Variants in SPIRE2 observed in about 807,000 individuals in gnomAD.
The protein encoded by SPIRE2 is spire type actin nucleation factor 2.
SPIRE2 carries 76 observed loss-of-function variants against 80.7 expected under a neutral mutation model. The observed-to-expected ratio is 0.94, with a 90% CI of 0.78 to 1.14. The LOEUF is 1.14. Ranked by LOEUF, SPIRE2 falls within the 50% of genes most tolerant of loss-of-function variation. The pLI, the probability that SPIRE2 is intolerant of heterozygous loss-of-function variation, is 0.00. For missense variants in SPIRE2, 1,196 were observed against 1,015.3 expected, an observed-to-expected ratio of 1.18 and a Z score of -2.42; for synonymous variants, 535 against 432.6, an observed-to-expected ratio of 1.24 and a Z score of -2.94.
intron 3 of SPIRE2, 99 bp downstream of exon 3, chr16:89,850,759 A>T: frequency 1.1e-6 from 1 of 895,796 alleles, no homozygotes; most frequent in Non-Finnish European, 1.6e-6. Flanking sequence ...CGTGGACAGA[A>T]AGTCAGGTCG....
In SPIRE2 at chr16:89,863,204, A is replaced by G. The variant is rs949571944; in HGVS notation, c.1576-272A>G. 4 of 507,978 alleles carry G rather than the reference A, an allele frequency of 7.9e-6. No individual in the cohort carries two copies. The highest frequency in any genetic ancestry group is 7.7e-5 in the African/African-American group (4 of 51,804). The allele number at this position is 507,978 out of a possible 1,614,324, so 31.5% of individuals were successfully genotyped here. A position where few individuals can be genotyped will look rare whatever the true frequency, so the allele number is the denominator to read the frequency against. ...GCAGGCAGGGACACCTTGAACAGAC[A>G]TGGGCTGAGGGGAGTTTGTGTGGAG... On this transcript the variant is annotated intron_variant, in intron 10 of 14. Coordinates refer to ENST00000378247, the MANE Select transcript of SPIRE2 (RefSeq NM_032451.2). The surrounding 1 kb of genome is among the most constrained non-coding windows in gnomAD (Gnocchi z 4.3).
chr16:89,844,191 C>A (rs1489726409), intron 1 of SPIRE2, among the ~76,000 whole-genome samples: 2 of 151,358 alleles, frequency 1.3e-5, no homozygotes, highest in African/African-American at 4.9e-5. Flanking sequence ...GATGCAGTCA[C>A]GCTCTGTTGC....
At chr16:89,869,723 G>C (rs532527412) in intron 14 of SPIRE2, 41 bp downstream of exon 14, 1 of 1,517,814 alleles carries the variant, frequency 6.6e-7, no homozygotes, top group Non-Finnish European at 9.1e-7. Context: ...TGTGGTGGTC[G>C]GGCGTGAAGA....
Position 89,850,444 on chromosome 16 carries a change from T to TGCC in SPIRE2, c.434_436dup (p.Ala145dup), listed in dbSNP as rs763596418. ...ACGACAGCGAGGACAGCGGCTGCGG[T>TGCC]GCCGCCGATGAGGGCTACGGGGGTC... On this transcript the variant is annotated inframe_insertion, in exon 3 of 15. Coordinates refer to ENST00000378247, the MANE Select transcript of SPIRE2 (RefSeq NM_032451.2). 3.8e-6 allele frequency: 6 copies of TGCC among 1,567,316 alleles called. No homozygotes were observed. Among genetic ancestry groups the TGCC allele is most frequent in the Non-Finnish European group, 5.2e-6 (6 of 1,158,740 alleles).
intron 1 of SPIRE2, among the ~76,000 whole-genome samples, chr16:89,838,164 ATTTTTTT>A (rs34507409): frequency 1.4e-4 from 12 of 87,514 alleles, no homozygotes; most frequent in South Asian, 4.1e-4. Flanking sequence ...CACGCTCAGC[ATTTTTTT>A]TTTTTTTTTT....
chr16:89,839,009 C>T (rs531747026), intron 1 of SPIRE2, among the ~76,000 whole-genome samples: 55 of 148,216 alleles, frequency 3.7e-4, no homozygotes, highest in Non-Finnish European at 5.2e-4. Flanking sequence ...GGATTACAGA[C>T]GTGTCTCAAG....
chr16:89,834,762 A>G (rs113045249), intron 1 of SPIRE2, among the ~76,000 whole-genome samples: 65 of 51,492 alleles, frequency 1.3e-3, no homozygotes, highest in East Asian at 0.01. Context: ...GCGGTTGGCC[A>G]TCGTAGAAGT....
chr16:89,828,877 A>G lies in SPIRE2; in HGVS notation c.244+83A>G. The stretch of plus-strand genomic sequence containing the variant: ...CCCTGGGTGGGGGTGGTCCCGGCGG[A>G]GAGGCTGCGACCGGTTCTGGAGCGG... On this transcript the variant is annotated intron_variant, in intron 1 of 14. Coordinates refer to ENST00000378247, the MANE Select transcript of SPIRE2 (RefSeq NM_032451.2). The surrounding 1 kb of genome is among the most constrained non-coding windows in gnomAD (Gnocchi z 5.9). The G allele has an allele frequency of 9.3e-7, 1 of 1,079,428 alleles. No homozygotes were observed. Among genetic ancestry groups the G allele is most frequent in the Non-Finnish European group, 1.1e-6 (1 of 871,444 alleles). 66.9% of individuals were successfully genotyped at this position (1,079,428 alleles called of 1,614,324 possible). A position where few individuals can be genotyped will look rare whatever the true frequency, so the allele number is the denominator to read the frequency against.
chr16:89,863,792 A>G lies in SPIRE2; in HGVS notation c.1711-2A>G, dbSNP rs2061593720. 6.2e-7 allele frequency: 1 copy of G among 1,613,988 alleles called. No homozygotes were observed. Among genetic ancestry groups the G allele is most frequent in the Non-Finnish European group, 8.5e-7 (1 of 1,179,950 alleles). On this transcript the variant is annotated splice_acceptor_variant, in intron 11 of 14. Transcript: ENST00000378247. LOFTEE classifies it high-confidence loss of function. The surrounding 1 kb of genome is among the most constrained non-coding windows in gnomAD (Gnocchi z 4.3). ...GGGGCTCTAACCAGTCTCTCCTGAC[A>G]GATTTGCTGCTGCTGCCGGGCCAAG...
intron 10 of SPIRE2, among the ~76,000 whole-genome samples, chr16:89,861,806 C>T (rs2041746813): frequency 1.3e-5 from 2 of 152,102 alleles, no homozygotes; most frequent in African/African-American, 4.8e-5. Flanking sequence ...GCTGTGTAGG[C>T]CTCTCTCGGG....
At chr16:89,856,781 T>C (rs1250833652) in intron 7 of SPIRE2, among the ~76,000 whole-genome samples, 1 of 151,822 alleles carries the variant, frequency 6.6e-6, no homozygotes, top group Non-Finnish European at 1.5e-5. Flanking sequence ...ATGATGAGGC[T>C]GGGCTCAGTA....
chr16:89,869,703 C>T (rs1246404669), intron 14 of SPIRE2, 21 bp downstream of exon 14: 5 of 1,572,328 alleles, frequency 3.2e-6, no homozygotes, highest in Non-Finnish European at 3.5e-6. Flanking sequence ...CGCCTTGCTG[C>T]TGATGTCACT....
At chr16:89,869,784 C>T (rs1251370819) in intron 14 of SPIRE2, 102 bp downstream of exon 14, 6 of 899,098 alleles carry the variant, frequency 6.7e-6, no homozygotes. Flanking sequence ...TTTGCTAGGA[C>T]ACCCCAAGGA....
intron 1 of SPIRE2, among the ~76,000 whole-genome samples, chr16:89,830,165 G>A (rs749697385): frequency 2.0e-5 from 3 of 151,192 alleles, no homozygotes; most frequent in Non-Finnish European, 4.5e-5. Context: ...CTTCCTGTTG[G>A]TGCTGTGCAA....
In SPIRE2 at chr16:89,863,315, G is replaced by C. The variant is rs1435136574; in HGVS notation, c.1576-161G>C. ...CAGCAGCAGGGCCCATCAAAGACAT[G>C]GGGATGGATGGCTGATGGACAAGAT... On this transcript the variant is annotated intron_variant, in intron 10 of 14. Coordinates refer to ENST00000378247, the MANE Select transcript of SPIRE2 (RefSeq NM_032451.2). The surrounding 1 kb of genome is among the most constrained non-coding windows in gnomAD (Gnocchi z 4.3). 4 of 766,558 alleles carry C rather than the reference G, an allele frequency of 5.2e-6. No homozygotes were observed. Among genetic ancestry groups the C allele is most frequent in the Non-Finnish European group, 8.2e-6 (4 of 486,932 alleles). 47.5% of individuals were successfully genotyped at this position (766,558 alleles called of 1,614,324 possible).
chr16:89,867,214 G>A (rs1014158398), intron 12 of SPIRE2, among the ~76,000 whole-genome samples: 5 of 151,088 alleles, frequency 3.3e-5, no homozygotes, highest in Admixed American at 1.3e-4. Context: ...CCATGATCTC[G>A]GCTCACTGCA....
intron 14 of SPIRE2, 150 bp downstream of exon 14, chr16:89,869,832 G>T: frequency 1.4e-6 from 1 of 723,662 alleles, no homozygotes; most frequent in Non-Finnish European, 2.4e-6. Flanking sequence ...GTTGTGTAGG[G>T]CTCTGGGAGG....
chr16:89,836,434 G>A (rs774713372), intron 1 of SPIRE2: 23 of 329,958 alleles, frequency 7.0e-5, no homozygotes, highest in Admixed American at 5.7e-4. Flanking sequence ...CTGTCTCCAG[G>A]TATTTCCTTG....
chr16:89,838,720 C>G (rs370566622), intron 1 of SPIRE2, among the ~76,000 whole-genome samples: 1 of 152,186 alleles, frequency 6.6e-6, no homozygotes, highest in African/African-American at 2.4e-5. Flanking sequence ...AATCAAAGTG[C>G]AGAGTGCAAT....
Sources: allele counts gnomAD v4.1 joint callset (sites outside exome capture counted in the v4.1 genomes callset), GRCh38; gene constraint gnomAD v4.1.1; non-coding constraint Gnocchi (gnomAD v3.1); transcripts MANE v1.5; gene names NCBI Gene and HGNC (gene_info 2026-07-23, HGNC 2026-07-21).